The following DNAH5 variants were observed in gnomAD, a reference collection of about 807,000 sequenced individuals.
DNAH5 encodes the protein axonemal beta dynein heavy chain 5.
In DNAH5, 372 loss-of-function variants were observed where a neutral mutation model predicts 518.2. The ratio of observed to expected loss-of-function variants is 0.72; its 90% CI spans 0.66 to 0.78. The LOEUF (loss-of-function observed/expected upper bound fraction) is 0.78. Ranked by LOEUF, DNAH5 falls within the 30% of genes least tolerant of loss-of-function variation. The pLI is 0.00. For missense variants in DNAH5, 5,523 were observed against 5,687.0 expected (o/e 0.97, Z 0.93); for synonymous variants, 2,039 against 2,025.9 (o/e 1.01, Z -0.17).
chr5:13,924,766 T>A (rs887164147), intron 3 of DNAH5, among the ~76,000 whole-genome samples: 11 of 152,028 alleles, frequency 7.2e-5, no homozygotes, highest in Non-Finnish European at 1.3e-4. Context: ...GAAAAGCACA[T>A]AAGAATACTA....
intron 61 of DNAH5, among the ~76,000 whole-genome samples, chr5:13,756,015 C>A (rs1750947348): frequency 6.6e-6 from 1 of 152,158 alleles, no homozygotes; most frequent in Non-Finnish European, 1.5e-5. Context: ...TTGAGGGGAG[C>A]ACACGGGACT....
chr5:13,987,420 G>T (rs535646263), intron 1 of DNAH5, among the ~76,000 whole-genome samples: 93 of 152,010 alleles, frequency 6.1e-4, no homozygotes, highest in South Asian at 3.7e-3. Context: ...ACCCCTCCAA[G>T]CAGATTACGG....
intron 24 of DNAH5, among the ~76,000 whole-genome samples, chr5:13,868,391 C>A (rs563487229): frequency 6.6e-6 from 1 of 152,248 alleles, no homozygotes; most frequent in South Asian, 2.1e-4. Context: ...ATAACAAAAT[C>A]AATCAGGGTT....
intron 49 of DNAH5, among the ~76,000 whole-genome samples, chr5:13,792,995 G>A (rs191135526): frequency 2.6e-5 from 4 of 152,256 alleles, no homozygotes; most frequent in Non-Finnish European, 4.4e-5. Flanking sequence ...GTGATTGTTC[G>A]ACTAAATTAT....
chr5:13,867,990 T>G lies in DNAH5; in HGVS notation c.3837A>C (p.Glu1279Asp), dbSNP rs750132119. ...CATATCTGTTAAGCAGGGCATAAGATTCCTAAAAAAAAATAGGAAAAACTT... is the reference window on the plus strand; with the variant it reads ...CATATCTGTTAAGCAGGGCATAAGAGTCCTAAAAAAAAATAGGAAAAACTT... Reference protein sequence around the residue: ...SIDFQVGPIEESYALLNRYGL... With the variant: ...SIDFQVGPIEDSYALLNRYGL... Residue 1279 changes from glutamate (E) to aspartate (D), a missense_variant and splice_region_variant, in exon 25 of 79, where the codon GAA (glutamate) becomes GAC (aspartate). This residue lies in a region of DNAH5 where 5,121 missense variants were observed against 5,223.3 expected (regional missense o/e 0.98). Transcript: ENST00000265104. 6.3e-7 allele frequency: 1 copy of G among 1,587,674 alleles called. No homozygotes were observed. Among genetic ancestry groups the G allele is most frequent in the Non-Finnish European group, 8.6e-7 (1 of 1,165,734 alleles).
intron 58 of DNAH5, among the ~76,000 whole-genome samples, chr5:13,767,212 C>G (rs1426534338): frequency 6.6e-6 from 1 of 152,168 alleles, no homozygotes; most frequent in East Asian, 1.9e-4. Flanking sequence ...GCAACCTCCC[C>G]CTCCCAGGTT....
At chr5:13,842,042 CA>C in intron 32 of DNAH5, 138 bp from the exon 33 acceptor site, 1 of 584,264 alleles carries the variant, frequency 1.7e-6, no homozygotes, top group Non-Finnish European at 2.9e-6. Context: ...TAAACTACTT[CA>C]AAACAATAAA....
intron 43 of DNAH5, among the ~76,000 whole-genome samples, chr5:13,813,981 T>C (rs1761075440): frequency 6.6e-6 from 1 of 152,214 alleles, no homozygotes; most frequent in Admixed American, 6.5e-5. Flanking sequence ...ATAAACATTC[T>C]GCCTTACATT....
At chr5:13,777,377 G>T in intron 53 of DNAH5, 22 bp from the exon 54 acceptor site, 1 of 1,607,414 alleles carries the variant, frequency 6.2e-7, no homozygotes, top group Non-Finnish European at 8.5e-7. Context: ...TTTTCATTTT[G>T]TCATTAGCTA....
At chr5:13,787,789 A>C (rs1262153310) in intron 51 of DNAH5, among the ~76,000 whole-genome samples, 9 of 152,194 alleles carry the variant, frequency 5.9e-5, no homozygotes, top group Non-Finnish European at 7.3e-5. Flanking sequence ...CAGAAGGATC[A>C]TTCCAATTGC....
At chr5:13,995,632 A>T (rs1167612804) in intron 1 of DNAH5, among the ~76,000 whole-genome samples, 2 of 151,420 alleles carry the variant, frequency 1.3e-5, no homozygotes, top group African/African-American at 2.4e-5. Context: ...AATCCAGGTT[A>T]AAAAAAAAGT....
At chr5:13,890,912 G>A in intron 17 of DNAH5, 64 bp downstream of exon 17, 2 of 1,590,484 alleles carry the variant, frequency 1.3e-6, no homozygotes, top group South Asian at 1.1e-5. Flanking sequence ...CTTCAAAAAA[G>A]TGACCTTTAT....
intron 75 of DNAH5, 66 bp from the exon 76 acceptor site, chr5:13,708,401 C>G (rs1743072846): frequency 5.2e-6 from 8 of 1,529,718 alleles, no homozygotes; most frequent in Non-Finnish European, 6.3e-6. Flanking sequence ...GACCTGGTGC[C>G]CTGGGGCCTC....
At position 13,990,705 on chromosome 5, in the gene DNAH5, TA is replaced by T. The variant is rs1455559851; in HGVS notation, c.12+20942del. Among the ~76,000 whole-genome samples the T allele has an allele frequency of 6.6e-5, 10 of 151,058 alleles. 1 individual carries two copies. Among genetic ancestry groups the T allele is most frequent in the African/African-American group, 2.4e-4 (10 of 41,102 alleles). On this transcript the variant is annotated intron_variant, in intron 1 of 78. Coordinates refer to the DNAH5 transcript ENST00000681290. ...CAACATGGGGAAACCCCATCTCTAC[TA>T]AAAACACAAAATTAGCCAGGCATGG... is the stretch of plus-strand genomic sequence containing the variant.
intron 1 of DNAH5, among the ~76,000 whole-genome samples, chr5:13,975,998 C>G (rs1782209786): frequency 6.6e-6 from 1 of 152,106 alleles, no homozygotes; most frequent in South Asian, 2.1e-4. Context: ...CACTGCACTC[C>G]AGCCTGAGAA....
At chr5:13,988,790 G>A (rs1783257839) in intron 1 of DNAH5, among the ~76,000 whole-genome samples, 3 of 147,982 alleles carry the variant, frequency 2.0e-5, no homozygotes, top group East Asian at 2.0e-4. Flanking sequence ...GGTGTGGTGC[G>A]ATCTCACCTC....
chr5:13,737,833 G>A (rs186761203), intron 65 of DNAH5, among the ~76,000 whole-genome samples: 7 of 152,148 alleles, frequency 4.6e-5, no homozygotes, highest in Admixed American at 2.0e-4. Context: ...AGGCAGAGGC[G>A]GGTGGATCAT....
intron 50 of DNAH5, among the ~76,000 whole-genome samples, chr5:13,789,250 T>C (rs1756569657): frequency 6.6e-6 from 1 of 152,198 alleles, no homozygotes. Context: ...TATATTCATG[T>C]GGCCAGAGTA....
At chr5:13,919,725 T>A (rs889058629) in intron 6 of DNAH5, among the ~76,000 whole-genome samples, 5 of 152,236 alleles carry the variant, frequency 3.3e-5, no homozygotes, top group African/African-American at 1.2e-4. Flanking sequence ...CAGGTCAGAG[T>A]ATTTGGGGTA....
Sources: gnomAD v4.1 joint callset for allele counts (sites outside exome capture counted in the v4.1 genomes callset) on GRCh38, gnomAD v4.1.1 for gene constraint, gnomAD v4.1.1 regional missense constraint, MANE v1.5 for transcripts, NCBI Gene and HGNC (gene_info 2026-07-23, HGNC 2026-07-21) for gene names.